Variants in UBN2 observed in about 807,000 individuals in gnomAD.
The protein encoded by UBN2 is ubinuclein-2.
A neutral mutation model predicts 120.2 loss-of-function variants in UBN2; 35 were observed. The observed-to-expected ratio is 0.29, with a 90% CI of 0.22 to 0.39. UBN2 has a LOEUF of 0.39. Ranked by LOEUF, UBN2 falls within the 10% of genes least tolerant of loss-of-function variation. The probability of loss-of-function intolerance (pLI) is 1.00; values close to 1 mark genes in which losing one functional copy is unlikely to be tolerated. For synonymous variants in UBN2, 661 were observed against 648.7 expected, an observed-to-expected ratio of 1.02 and a Z score of -0.29; for missense variants, 1,693 against 1,663.2, an observed-to-expected ratio of 1.02 and a Z score of -0.31.
chr7:139,236,268 G>T (rs1796160862), intron 1 of UBN2, among the ~76,000 whole-genome samples: 1 of 152,152 alleles, frequency 6.6e-6, no homozygotes, highest in South Asian at 2.1e-4. Context: ...CTAGAAGAAA[G>T]GCATGGTAAT....
chr7:139,266,584 C>T (rs1312515790), intron 7 of UBN2, among the ~76,000 whole-genome samples, 181 bp downstream of exon 7: 2 of 152,074 alleles, frequency 1.3e-5, no homozygotes, highest in Non-Finnish European at 2.9e-5. Flanking sequence ...ATTGGTTTTC[C>T]TGGACCACTT....
At chr7:139,254,090 G>A (rs556946671) in intron 3 of UBN2, among the ~76,000 whole-genome samples, 5 of 152,208 alleles carry the variant, frequency 3.3e-5, no homozygotes, top group East Asian at 3.9e-4. Context: ...TCAGGAGATC[G>A]AGACCATCCT....
At position 139,304,967 on chromosome 7, in the gene UBN2, CT is replaced by C. The variant is rs2131093623; in HGVS notation, c.*7134del. 1 of 152,082 alleles carries C rather than the reference CT, an allele frequency of 6.6e-6. No homozygotes were observed. Among genetic ancestry groups the C allele is most frequent in the South Asian group, 2.1e-4 (1 of 4,820 alleles). The allele number at this position is 152,082 out of a possible 1,614,324, so 9.4% of individuals were successfully genotyped here. A position where few individuals can be genotyped will look rare whatever the true frequency, so the allele number is the denominator to read the frequency against. On this transcript the variant is annotated 3_prime_UTR_variant, in exon 18 of 18. Coordinates refer to ENST00000473989, the MANE Select transcript of UBN2 (RefSeq NM_173569.4). ...TTAACAGAAGCATAAAATAGAGATA[CT>C]TTGTGTGTTCATCTATCGTAAAATG...
chr7:139,273,811 T>C, intron 10 of UBN2, 120 bp from the exon 11 acceptor site: 1 of 818,724 alleles, frequency 1.2e-6, no homozygotes, highest in Non-Finnish European at 1.8e-6. Context: ...TGTGGTGCAA[T>C]GAATGATATA....
chr7:139,289,322 G>A (rs1016512833), intron 15 of UBN2, among the ~76,000 whole-genome samples: 1 of 151,666 alleles, frequency 6.6e-6, no homozygotes, highest in African/African-American at 2.4e-5. Context: ...ACTTGAAAGT[G>A]TAAAATGTTA....
chr7:139,276,249 A>C, intron 12 of UBN2, 102 bp downstream of exon 12: 1 of 1,127,458 alleles, frequency 8.9e-7, no homozygotes, highest in Non-Finnish European at 1.3e-6. Context: ...GGACTTAAAA[A>C]GATCATTTTG....
rs1798399417 is a variant in UBN2 at position 139,308,225 on chromosome 7, A to C, written c.*10389A>C. 2 of 151,994 alleles carry C rather than the reference A, an allele frequency of 1.3e-5. No homozygotes were observed. The highest frequency in any genetic ancestry group is 4.8e-5 in the African/African-American group (2 of 41,376). The allele number at this position is 151,994 out of a possible 1,614,324, so 9.4% of individuals were successfully genotyped here. On this transcript the variant is annotated 3_prime_UTR_variant, in exon 18 of 18. Coordinates refer to ENST00000473989, the MANE Select transcript of UBN2 (RefSeq NM_173569.4). ...TTGTTGTTGTATTAAATAAAGAGGAATGTACATACTATCCTCGTGTCTGTT... is the reference window on the plus strand; with the variant it reads ...TTGTTGTTGTATTAAATAAAGAGGACTGTACATACTATCCTCGTGTCTGTT...
rs1193581308 is a variant in UBN2, at chr7:139,283,059, A to G, written c.2154A>G (p.Thr718=). ...CAAAAAAGGACCAGAAAACTCCAAC[A>G]TCCCTGGTGGCTTCGGTTAGCGGTC... is the stretch of plus-strand genomic sequence containing the variant. The part of the protein sequence containing the change: ...CSPKKDQKTP[T]SLVASVSGPP... Residue 718 remains threonine (T), a synonymous_variant, in exon 15 of 18, where the codon ACA becomes ACG. Transcript: ENST00000473989. The G allele has an allele frequency of 6.2e-7, 1 of 1,607,704 alleles. No individual in the cohort carries two copies. Among genetic ancestry groups the G allele is most frequent in the African/African-American group, 1.3e-5 (1 of 74,350 alleles).
At chr7:139,244,704 CTA>C (rs752435613) in intron 2 of UBN2, among the ~76,000 whole-genome samples, 9 of 151,836 alleles carry the variant, frequency 5.9e-5, no homozygotes, top group Non-Finnish European at 1.0e-4. Flanking sequence ...ATATATATTG[CTA>C]TGTTTTGTTT....
rs750101810 is a variant in UBN2, at chr7:139,284,058, C to T, written c.3153C>T (p.Pro1051=). ...ASPKPATSPK[P]LPSPKPSASP... is the part of the protein sequence containing the mutation. ...CCAAGCCTGCCACATCTCCTAAACC[C>T]CTGCCCTCGCCTAAGCCTTCTGCCT... The change falls in exon 15 of 18, where the codon CCC becomes CCT. Residue 1051 remains proline (P), a synonymous_variant. Coordinates refer to ENST00000473989, the MANE Select transcript of UBN2 (RefSeq NM_173569.4). 80 of 1,614,036 alleles carry T rather than the reference C, an allele frequency of 5.0e-5. No individual in the cohort carries two copies. Among genetic ancestry groups the T allele is most frequent in the Admixed American group, 2.0e-4 (12 of 60,002 alleles).
At chr7:139,316,062 A>G in the UBN2 span, among the ~76,000 whole-genome samples, 1 of 129,994 alleles carries the variant, frequency 7.7e-6, no homozygotes, top group Admixed American at 9.1e-5. Flanking sequence ...GGGCAACAAG[A>G]GCGAGACTTC....
rs866516362 is a variant in UBN2, at chr7:139,258,588, A to G, written c.764A>G (p.Asp255Gly). The G allele has an allele frequency of 5.0e-6, 8 of 1,605,568 alleles. No individual in the cohort carries two copies. The Middle Eastern group carries it at 5.0e-4, about 100-fold the overall frequency. ...QFRQASDTEE[D>G]DITDNQKHKP... Reference sequence around the variant, plus strand: ...CGCCAAGCTTCAGATACTGAAGAAGATGATATTACAGACAACCAAAAGCAC... The same window carrying G: ...CGCCAAGCTTCAGATACTGAAGAAGGTGATATTACAGACAACCAAAAGCAC... Residue 255 changes from aspartate (D) to glycine (G), a missense_variant, in exon 4 of 18, where the codon GAT becomes GGT. Asp to Gly is a moderately conservative substitution (Grantham distance 94). Transcript: ENST00000473989.
At chr7:139,316,496 G>A in the UBN2 span, among the ~76,000 whole-genome samples, 2 of 152,122 alleles carry the variant, frequency 1.3e-5, no homozygotes, top group Non-Finnish European at 2.9e-5. Context: ...GGCCGTGCAC[G>A]GTGGCTCACG....
At chr7:139,314,875 TG>T in the UBN2 span, among the ~76,000 whole-genome samples, 1 of 152,106 alleles carries the variant, frequency 6.6e-6, no homozygotes, top group African/African-American at 2.4e-5. Flanking sequence ...TAATCAGTCT[TG>T]CCATTCTTCC....
intron 8 of UBN2, among the ~76,000 whole-genome samples, chr7:139,269,894 A>C (rs943958289): frequency 2.0e-5 from 3 of 151,006 alleles, no homozygotes; most frequent in Non-Finnish European, 4.4e-5. Flanking sequence ...CTGCAGCCTT[A>C]ACCTCCTGGG....
chr7:139,276,989 A>G (rs9692339), intron 12 of UBN2: 38,579 of 151,924 alleles, frequency 0.25, 8,610 homozygotes, highest in African/African-American at 0.59. Flanking sequence ...CTTATGCCAG[A>G]GAGGCGGAGG....
chr7:139,259,623 A>C (rs965423640), intron 5 of UBN2, among the ~76,000 whole-genome samples: 5 of 152,238 alleles, frequency 3.3e-5, no homozygotes, highest in African/African-American at 1.2e-4. Context: ...CAGTTTGAAA[A>C]GATATTATAA....
chr7:139,320,137 C>A, the UBN2 span, among the ~76,000 whole-genome samples: 1 of 151,370 alleles, frequency 6.6e-6, no homozygotes, highest in Non-Finnish European at 1.5e-5. Context: ...ACAGAGATTT[C>A]TCTGCACATC....
intron 13 of UBN2, among the ~76,000 whole-genome samples, chr7:139,280,140 C>G (rs1797562356): frequency 1.3e-5 from 2 of 152,142 alleles, no homozygotes; most frequent in Non-Finnish European, 2.9e-5. Flanking sequence ...CAAAGGCATT[C>G]CTCCTATAAA....
Sources: allele counts gnomAD v4.1 joint callset (sites outside exome capture counted in the v4.1 genomes callset), GRCh38; gene constraint gnomAD v4.1.1; transcripts MANE v1.5; gene names NCBI Gene and HGNC (gene_info 2026-07-23, HGNC 2026-07-21).